Variants in RNF212B observed in about 807,000 individuals in gnomAD.
RNF212B encodes ring finger protein 212B.
RNF212B carries 52 observed loss-of-function variants against 55.5 expected under a neutral mutation model. The ratio of observed to expected loss-of-function variants is 0.94; its 90% confidence interval spans 0.75 to 1.18. RNF212B has a LOEUF of 1.18. Among genes scored for constraint, RNF212B ranks in the 50% most tolerant of loss-of-function variants. RNF212B has a pLI of 0.00. For synonymous variants in RNF212B, 99 were observed against 121.4 expected (o/e 0.82, Z 1.21); for missense variants, 289 against 350.4 (o/e 0.82, Z 1.40).
intron 10 of RNF212B, 132 bp from the exon 11 acceptor site, chr14:23,264,491 C>T: frequency 2.7e-6 from 2 of 733,084 alleles, no homozygotes; most frequent in Non-Finnish European, 4.3e-6. Context: ...AAGTATGGAT[C>T]TTTCTTTGAC....
At chr14:23,236,958 TC>T (rs1566418577), upstream of RNF212B, among the ~76,000 whole-genome samples, 19 of 141,392 alleles carry the variant, frequency 1.3e-4, no homozygotes, top group African/African-American at 5.3e-4. Context: ...ATTCTGTCTC[TC>T]TCTTTTTTTT....
At position 23,217,258 on chromosome 14, in the gene RNF212B, G is replaced by A. The variant is rs553439862; in HGVS notation, c.-1-23087G>A. 1.0e-4 allele frequency among the ~76,000 whole-genome samples: 14 copies of A among 138,088 alleles called. No individual in the cohort carries two copies. The South Asian group carries it at 2.4e-3, about 24-fold the overall frequency. The allele number at this position is 138,088 out of a possible 152,430, so 90.6% of individuals were successfully genotyped here. ...GTGGTGGCAGTGGTGGCAGTGGTGG[G>A]GGGGGGGCTCCTCTGCCTGTGGAAA... On this transcript the variant is annotated intron_variant, in intron 2 of 15. Coordinates refer to the RNF212B transcript ENST00000399910.
rs1395497241 is a variant in RNF212B at position 23,245,395 on chromosome 14, A to G, written c.228+999A>G. ...CTCAAGGAGAAATGTAAACAAGGTCATAGGAACAAGAGAAAGAGCAGACCT... is the reference window on the plus strand; with the variant it reads ...CTCAAGGAGAAATGTAAACAAGGTCGTAGGAACAAGAGAAAGAGCAGACCT... On this transcript the variant is annotated intron_variant, in intron 4 of 14. Transcript: ENST00000430154. 2.6e-5 allele frequency among the ~76,000 whole-genome samples: 4 copies of G among 152,202 alleles called. No homozygotes were observed. The East Asian group carries it at 5.8e-4, about 22-fold the overall frequency.
At chr14:23,224,532 G>A (rs1881843812) in intron 2 of RNF212B, among the ~76,000 whole-genome samples, 1 of 152,176 alleles carries the variant, frequency 6.6e-6, no homozygotes, top group Admixed American at 6.6e-5. Context: ...ATAGTGCTGG[G>A]AAAACTTGAT....
chr14:23,269,456 C>T (rs143037205), intron 12 of RNF212B, among the ~76,000 whole-genome samples: 71 of 152,168 alleles, frequency 4.7e-4, no homozygotes, highest in Non-Finnish European at 7.9e-4. Context: ...TATTTTGGCC[C>T]GGTAGTGGCT....
At chr14:23,251,796 C>T (rs1315930601) in intron 4 of RNF212B, among the ~76,000 whole-genome samples, 1 of 136,474 alleles carries the variant, frequency 7.3e-6, no homozygotes, top group Admixed American at 7.6e-5. Flanking sequence ...AGTCTGGCAA[C>T]AGAGTGAGAC....
upstream of RNF212B, among the ~76,000 whole-genome samples, chr14:23,236,010 T>G (rs985488807): frequency 5.3e-5 from 8 of 152,216 alleles, no homozygotes; most frequent in African/African-American, 1.9e-4. Flanking sequence ...TAAATACCAT[T>G]CTCTTTCCCC....
At chr14:23,246,414 G>A (rs1399858271) in intron 4 of RNF212B, among the ~76,000 whole-genome samples, 1 of 151,992 alleles carries the variant, frequency 6.6e-6, no homozygotes, top group Non-Finnish European at 1.5e-5. Context: ...ATAATACTGG[G>A]AAAACTGTTG....
chr14:23,243,418 G>A (rs178775), intron 3 of RNF212B, 110 bp downstream of exon 3: 44,207 of 1,029,072 alleles, frequency 0.043, 2,401 homozygotes, highest in African/African-American at 0.24. Context: ...AAAGAAGACC[G>A]GGCGTGGTGG....
intron 4 of RNF212B, among the ~76,000 whole-genome samples, chr14:23,248,763 A>G (rs1030700862): frequency 6.6e-6 from 1 of 152,138 alleles, no homozygotes; most frequent in Admixed American, 6.6e-5. Flanking sequence ...TTATAAGGAC[A>G]CTAATCCCAT....
intron 2 of RNF212B, among the ~76,000 whole-genome samples, chr14:23,208,517 A>G (rs1386569802): frequency 6.6e-6 from 1 of 152,070 alleles, no homozygotes; most frequent in Non-Finnish European, 1.5e-5. Flanking sequence ...ATAGGAGTCA[A>G]TCTGAAAGTG....
intron 2 of RNF212B, among the ~76,000 whole-genome samples, chr14:23,210,481 T>C (rs1038136219): frequency 4.6e-5 from 7 of 152,074 alleles, no homozygotes; most frequent in African/African-American, 1.4e-4. Context: ...AAATATCACA[T>C]AGAAATGTAG....
chr14:23,269,785 C>A, intron 12 of RNF212B, 78 bp from the exon 13 acceptor site: 1 of 766,418 alleles, frequency 1.3e-6, no homozygotes, highest in South Asian at 1.6e-5. Context: ...GCTGTATAGG[C>A]TCTTCCATTA....
At chr14:23,268,864 T>C in intron 11 of RNF212B, 60 bp from the exon 12 acceptor site, 1 of 1,397,058 alleles carries the variant, frequency 7.2e-7, no homozygotes. Context: ...GCCCCAAGTA[T>C]ACCTGAATCT....
chr14:23,212,606 C>T (rs533875440), intron 2 of RNF212B, among the ~76,000 whole-genome samples: 29 of 151,878 alleles, frequency 1.9e-4, no homozygotes, highest in Admixed American at 7.9e-4. Context: ...GACAGAGTCT[C>T]GCTCTGTCGC....
chr14:23,204,855 G>A (rs1424692413), intron 2 of RNF212B, among the ~76,000 whole-genome samples: 3 of 152,056 alleles, frequency 2.0e-5, no homozygotes, highest in Non-Finnish European at 2.9e-5. Flanking sequence ...CCATGAGCAT[G>A]GGGTATATTT....
chr14:23,229,376 G>T (rs909588395), intron 2 of RNF212B, among the ~76,000 whole-genome samples: 1 of 150,938 alleles, frequency 6.6e-6, no homozygotes, highest in East Asian at 1.9e-4. Flanking sequence ...TTGAGCCCCT[G>T]TTTTAAATTA....
chr14:23,264,795 T>C (rs540616292), intron 11 of RNF212B, 124 bp downstream of exon 11: 213 of 467,728 alleles, frequency 4.6e-4, no homozygotes, highest in African/African-American at 3.9e-3. Context: ...AGTGATTCCA[T>C]GTATCCATAC....
chr14:23,190,865 G>T (rs1245822256), intron 1 of RNF212B, among the ~76,000 whole-genome samples: 1 of 152,070 alleles, frequency 6.6e-6, no homozygotes, highest in Non-Finnish European at 1.5e-5. Context: ...CTTTCACGTG[G>T]TCCTCCAGTC....
Sources: gnomAD v4.1 joint callset for allele counts (sites outside exome capture counted in the v4.1 genomes callset) on GRCh38, gnomAD v4.1.1 for gene constraint, MANE v1.5 for transcripts, NCBI Gene and HGNC (gene_info 2026-07-23, HGNC 2026-07-21) for gene names.